The following ZNF462 variants were observed in gnomAD, a reference collection of about 807,000 sequenced individuals.
ZNF462 encodes the protein zinc finger protein 462.
A neutral mutation model predicts 201.9 loss-of-function variants in ZNF462; 10 were observed. That is an observed-to-expected ratio of 0.05 (90% confidence interval 0.03 to 0.08). ZNF462 has a LOEUF of 0.08. Among genes scored for constraint, ZNF462 ranks in the 10% least tolerant of loss-of-function variants. The pLI is 1.00. For synonymous variants in ZNF462, 1,227 were observed against 1,193.3 expected (o/e 1.03, Z -0.58); for missense variants, 2,523 against 3,168.3 (o/e 0.80, Z 4.89).
chr9:106,871,962 A>T (rs1183527461), intron 1 of ZNF462, among the ~76,000 whole-genome samples: 1 of 152,194 alleles, frequency 6.6e-6, no homozygotes, highest in Admixed American at 6.5e-5. Flanking sequence ...ACCTGGCGTC[A>T]GTTTGGGTTT....
intron 1 of ZNF462, among the ~76,000 whole-genome samples, chr9:106,879,802 T>C (rs1828013464): frequency 6.6e-6 from 1 of 152,054 alleles, no homozygotes; most frequent in Non-Finnish European, 1.5e-5. Flanking sequence ...CTTCTACAAT[T>C]TGAGGGGTAG....
chr9:106,922,836 C>T (rs1830041169), intron 1 of ZNF462, among the ~76,000 whole-genome samples: 1 of 152,192 alleles, frequency 6.6e-6, no homozygotes. Context: ...AAATGCTCTA[C>T]CTCCACCCCC....
chr9:106,862,885 A>G (rs1827116709), upstream of ZNF462, among the ~76,000 whole-genome samples: 1 of 150,230 alleles, frequency 6.7e-6, no homozygotes, highest in Middle Eastern at 3.2e-3. The surrounding 1 kb of genome is among the most constrained non-coding windows in gnomAD (Gnocchi z 4.2). Context: ...TGTTGTTGTT[A>G]TTAGAAAGGC....
chr9:107,004,620 A>G (rs977176913), intron 11 of ZNF462, among the ~76,000 whole-genome samples: 5 of 152,174 alleles, frequency 3.3e-5, no homozygotes, highest in Non-Finnish European at 5.9e-5. Flanking sequence ...AAAATTGTAT[A>G]TATTTATGAT....
At position 107,012,739 on chromosome 9, in the gene ZNF462, G is replaced by T. The variant is rs1282837912; in HGVS notation, c.*1709G>T. The T allele has an allele frequency of 2.1e-4, 30 of 143,200 alleles. No individual in the cohort carries two copies. Among genetic ancestry groups the T allele is most frequent in the African/African-American group, 7.7e-4 (30 of 39,128 alleles). The allele number at this position is 143,200 out of a possible 1,614,324, so 8.9% of individuals were successfully genotyped here. A position where few individuals can be genotyped will look rare whatever the true frequency, so the allele number is the denominator to read the frequency against. ...TTTTTTTTTTTTTTTTTACTTGGAA[G>T]GGTTGTGGGAGGGTGGGAGGGAAGA... On this transcript the variant is annotated 3_prime_UTR_variant, in exon 13 of 13. Coordinates refer to ENST00000277225, the MANE Select transcript of ZNF462 (RefSeq NM_021224.6).
chr9:106,983,571 T>A (rs1827604120), intron 9 of ZNF462, among the ~76,000 whole-genome samples: 1 of 152,168 alleles, frequency 6.6e-6, no homozygotes, highest in African/African-American at 2.4e-5. Flanking sequence ...AATAATAGAT[T>A]TACAGTTAAG....
intron 1 of ZNF462, among the ~76,000 whole-genome samples, chr9:106,906,812 C>A (rs1829293501): frequency 6.6e-6 from 1 of 152,194 alleles, no homozygotes; most frequent in Non-Finnish European, 1.5e-5. Flanking sequence ...CACTTGGGCC[C>A]ACGCCTAGAT....
chr9:106,916,549 G>T (rs1347755504), intron 1 of ZNF462, among the ~76,000 whole-genome samples: 1 of 152,184 alleles, frequency 6.6e-6, no homozygotes, highest in Admixed American at 6.5e-5. Flanking sequence ...TGTCTCTGCT[G>T]TTTGGGCGAG....
In ZNF462 at chr9:107,012,378, G is replaced by T. The variant is rs7854951; in HGVS notation, c.*1348G>T. On this transcript the variant is annotated 3_prime_UTR_variant, in exon 13 of 13. Coordinates refer to ENST00000277225, the MANE Select transcript of ZNF462 (RefSeq NM_021224.6). ...GATGTACTAGAATCCCATCCCTTTC[G>T]TGAGAGTGGACAAGAAATAACATAT... The T allele has an allele frequency of 1.4e-5, 2 of 138,332 alleles. No individual in the cohort carries two copies. The highest frequency in any genetic ancestry group is 1.5e-5 in the Non-Finnish European group (1 of 67,506). 8.6% of individuals were successfully genotyped at this position (138,332 alleles called of 1,614,324 possible). A position where few individuals can be genotyped will look rare whatever the true frequency, so the allele number is the denominator to read the frequency against.
chr9:106,907,605 C>G (rs748381726), intron 1 of ZNF462, among the ~76,000 whole-genome samples: 16 of 151,792 alleles, frequency 1.1e-4, no homozygotes, highest in Non-Finnish European at 1.8e-4. Context: ...TTTTGCCCTA[C>G]TCCCTTTTTG....
At position 106,930,070 on chromosome 9, in the gene ZNF462, G is replaced by A. The variant is rs1218490777; in HGVS notation, c.5847+311G>A. On this transcript the variant is annotated intron_variant, in intron 3 of 12. Transcript: ENST00000277225. The surrounding 1 kb of genome is among the most constrained non-coding windows in gnomAD (Gnocchi z 5.8). ...GAAGCCTAGTTTTACAACAACGCTC[G>A]CTCTTTCCTAAGGCAGTGTGGGCTG... is the stretch of plus-strand genomic sequence containing the variant. Among the ~76,000 whole-genome samples the A allele has an allele frequency of 6.6e-6, 1 of 152,092 alleles. No homozygotes were observed. Among genetic ancestry groups the A allele is most frequent in the Non-Finnish European group, 1.5e-5 (1 of 68,020 alleles).
intron 1 of ZNF462, among the ~76,000 whole-genome samples, chr9:106,896,407 G>A (rs1188043064): frequency 6.6e-6 from 1 of 152,274 alleles, no homozygotes; most frequent in East Asian, 1.9e-4. Context: ...ATGTGAGGTA[G>A]AGTGGACCTT....
chr9:107,011,053 A>C lies in ZNF462; in HGVS notation c.*23A>C. The C allele has an allele frequency of 6.2e-7, 1 of 1,609,762 alleles. No individual in the cohort carries two copies. Among genetic ancestry groups the C allele is most frequent in the South Asian group, 1.1e-5 (1 of 90,972 alleles). On this transcript the variant is annotated 3_prime_UTR_variant, in exon 13 of 13. Coordinates refer to ENST00000277225, the MANE Select transcript of ZNF462 (RefSeq NM_021224.6). The surrounding 1 kb of genome is among the most constrained non-coding windows in gnomAD (Gnocchi z 5.6). ...TGAGCGTTTGGTGAAATTCTTAATC[A>C]AACCTTACTTGAACAGTGATGAAAA...
chr9:106,897,873 T>A (rs1471780552), intron 1 of ZNF462, among the ~76,000 whole-genome samples: 1 of 152,184 alleles, frequency 6.6e-6, no homozygotes, highest in Non-Finnish European at 1.5e-5. Context: ...AGCCAGTCCC[T>A]AGCTCATGGC....
chr9:106,952,259 C>T (rs940948437), intron 7 of ZNF462, among the ~76,000 whole-genome samples: 6 of 152,052 alleles, frequency 3.9e-5, no homozygotes, highest in African/African-American at 1.4e-4. Context: ...TTCTAATATG[C>T]AAAATAATGA....
At chr9:106,909,088 G>A (rs1486116606) in intron 1 of ZNF462, among the ~76,000 whole-genome samples, 3 of 148,230 alleles carry the variant, frequency 2.0e-5, no homozygotes, top group African/African-American at 5.0e-5. Flanking sequence ...TCAGCCTCCC[G>A]AGCAGCTGGG....
chr9:106,970,457 A>G lies in ZNF462; in HGVS notation c.6428-1548A>G, dbSNP rs567065367. 6.6e-6 allele frequency among the ~76,000 whole-genome samples: 1 copy of G among 152,254 alleles called. No individual in the cohort carries two copies. The highest frequency in any genetic ancestry group is 2.4e-5 in the African/African-American group (1 of 41,544). On this transcript the variant is annotated intron_variant, in intron 7 of 12. Coordinates refer to ENST00000277225, the MANE Select transcript of ZNF462 (RefSeq NM_021224.6). This position sits in a 1 kb window ranked among gnomAD's most constrained non-coding sequence, Gnocchi z 4.2. ...CTGTTCGAAGAGGCTGACGGGATGG[A>G]TGGTGCTGGTTTCATCAAATATGGG...
intron 1 of ZNF462, among the ~76,000 whole-genome samples, chr9:106,900,205 TGTGTG>T (rs1183962046): frequency 1.1e-3 from 6 of 5,596 alleles, no homozygotes; most frequent in African/African-American, 2.4e-3. Flanking sequence ...TATTCCATCG[TGTGTG>T]TGTGTGTGTG....
At chr9:106,887,826 A>T (rs1035152273) in intron 1 of ZNF462, among the ~76,000 whole-genome samples, 2 of 152,218 alleles carry the variant, frequency 1.3e-5, no homozygotes, top group African/African-American at 4.8e-5. Flanking sequence ...ATCGTTACAT[A>T]GTTTATGTAG....
Sources: gnomAD v4.1 joint callset for allele counts (sites outside exome capture counted in the v4.1 genomes callset) on GRCh38, gnomAD v4.1.1 for gene constraint, Gnocchi (gnomAD v3.1) non-coding constraint, MANE v1.5 for transcripts, NCBI Gene and HGNC (gene_info 2026-07-23, HGNC 2026-07-21) for gene names.